PCDH11X: variants seen among roughly 807,000 people sequenced by gnomAD.
PCDH11X encodes the protein protocadherin-11 X-linked.
PCDH11X carries 18 observed loss-of-function variants against 53.3 expected under a neutral mutation model. The observed-to-expected ratio is 0.34, with a 90% CI of 0.23 to 0.50. The LOEUF is 0.50. PCDH11X is among the 20% of genes least tolerant of loss of function. The pLI is 0.98. For missense variants in PCDH11X, 570 were observed against 1,032.4 expected (o/e 0.55, Z 6.14); for synonymous variants, 279 against 393.3 (o/e 0.71, Z 3.44).
chrX:92,216,423 G>A lies in PCDH11X; in HGVS notation c.3114+14968G>A, dbSNP rs980730071. Among the ~76,000 whole-genome samples the A allele has an allele frequency of 7.7e-3, 805 of 103,882 alleles. 8 individuals are homozygous for A. The highest frequency in any genetic ancestry group is 0.027 in the African/African-American group (761 of 28,684). 90.2% of individuals were successfully genotyped at this position (103,882 alleles called of 115,157 possible). A position where few individuals can be genotyped will look rare whatever the true frequency, so the allele number is the denominator to read the frequency against. On this transcript the variant is annotated intron_variant, in intron 7 of 10. Transcript: ENST00000682573. ...GAAGAATGCAGAAGCCTCAGGAGCCGATGCGATCAACTGGAAGAAAGGGTA... is the reference window on the plus strand; with the variant it reads ...GAAGAATGCAGAAGCCTCAGGAGCCAATGCGATCAACTGGAAGAAAGGGTA...
chrX:92,510,228 C>T (rs1367633394), intron 10 of PCDH11X, among the ~76,000 whole-genome samples: 1 of 104,352 alleles, frequency 9.6e-6, no homozygotes, highest in Non-Finnish European at 2.0e-5. Flanking sequence ...CAGGCTATAA[C>T]ATCTTGTCTA....
chrX:92,267,341 G>A (rs770159212), intron 8 of PCDH11X, among the ~76,000 whole-genome samples: 3 of 112,056 alleles, frequency 2.7e-5, no homozygotes, highest in Non-Finnish European at 5.6e-5. Context: ...GATTCTCCGA[G>A]GAGTATATTT....
intron 9 of PCDH11X, among the ~76,000 whole-genome samples, chrX:92,388,795 C>CA (rs1315910107): frequency 2.9e-5 from 3 of 102,418 alleles, no homozygotes; most frequent in Non-Finnish European, 6.0e-5. Flanking sequence ...AAATACCTGG[C>CA]AAAAACATAA....
intron 6 of PCDH11X, among the ~76,000 whole-genome samples, chrX:92,052,350 G>T (rs2063380857): frequency 1.1e-5 from 1 of 94,386 alleles, no homozygotes; most frequent in African/African-American, 3.9e-5. Context: ...CAGAATGGGT[G>T]ATACTAAGTC....
intron 8 of PCDH11X, among the ~76,000 whole-genome samples, chrX:92,378,658 A>G (rs1015448869): frequency 2.7e-5 from 3 of 111,730 alleles, no homozygotes; most frequent in Non-Finnish European, 5.6e-5. Context: ...TTGTTGGCAA[A>G]TTCAGTGTCT....
At chrX:92,283,260 T>G (rs1258475047) in intron 8 of PCDH11X, among the ~76,000 whole-genome samples, 3 of 111,206 alleles carry the variant, frequency 2.7e-5, no homozygotes, top group African/African-American at 9.8e-5. Context: ...ACAGAAAAAA[T>G]TATTAATTTG....
At chrX:91,879,604 A>G in intron 6 of PCDH11X, 1 of 1,009,188 alleles carries the variant, frequency 9.9e-7, no homozygotes. Flanking sequence ...CATTGTGTGC[A>G]TGAGGATCAG....
At chrX:92,045,943 A>AAT (rs778356727) in intron 6 of PCDH11X, among the ~76,000 whole-genome samples, 1 of 108,194 alleles carries the variant, frequency 9.2e-6, no homozygotes, top group East Asian at 3.0e-4. Context: ...CATTACAAAA[A>AAT]AAAAAAAGGA....
In PCDH11X at chrX:92,618,627, G is replaced by A. The variant is rs756127091; in HGVS notation, c.3731G>A (p.Cys1244Tyr). The A allele has an allele frequency of 5.8e-6, 7 of 1,211,919 alleles. No homozygotes were observed. Among genetic ancestry groups the A allele is most frequent in the Non-Finnish European group, 7.8e-6 (7 of 895,468 alleles). ...SPPSAQASAL[C>Y]YSPPLAQAAA... ...CCATCAGCACAGGCCTCAGCCCTCT[G>A]CTACAGCCCTCCTTTAGCACAGGCT... The change falls in exon 11 of 11, where the codon TGC (cysteine) becomes TAC (tyrosine). Residue 1244 changes from cysteine to tyrosine, a missense_variant. Transcript: ENST00000682573.
chrX:92,552,874 G>A, intron 10 of PCDH11X, among the ~76,000 whole-genome samples: 1 of 109,874 alleles, frequency 9.1e-6, no homozygotes, highest in Non-Finnish European at 1.9e-5. Context: ...TGCATCCCAG[G>A]GGTAAATCTC....
intron 6 of PCDH11X, among the ~76,000 whole-genome samples, chrX:92,130,974 C>T (rs981216332): frequency 1.5e-4 from 17 of 110,021 alleles, no homozygotes; most frequent in Non-Finnish European, 2.8e-4. Flanking sequence ...AAAAAAAAAC[C>T]CATATACACC....
chrX:92,232,930 T>C (rs1225229255), intron 7 of PCDH11X, among the ~76,000 whole-genome samples: 1 of 111,253 alleles, frequency 9.0e-6, no homozygotes, highest in Non-Finnish European at 1.9e-5. Flanking sequence ...TTAGCCAGGA[T>C]GGTCTCCATC....
rs752000720 is a variant in PCDH11X at position 92,239,076 on chromosome X, C to T, written c.3115-24038C>T. On this transcript the variant is annotated intron_variant, in intron 7 of 10. Transcript: ENST00000682573. ...TATCAGCCTTTATTTTCATCCATTG[C>T]TCATTCTTCTTAAATTTATTTTGAA... Among the ~76,000 whole-genome samples, 3 of 111,234 alleles carry T rather than the reference C, an allele frequency of 2.7e-5. No individual in the cohort carries two copies. The South Asian group carries it at 1.1e-3, about 41-fold the overall frequency.
chrX:92,201,676 G>A lies in PCDH11X; in HGVS notation c.3114+221G>A, dbSNP rs751796150. 3.6e-5 allele frequency among the ~76,000 whole-genome samples: 4 copies of A among 112,039 alleles called. No homozygotes were observed. In the South Asian group the frequency reaches 1.5e-3, roughly 41 times the overall value. Reference sequence around the variant, plus strand: ...CAGTGAAATTAACTTGTTGGATCAAGTAAAAGTGTTCCTCTAAAAGCATCT... The same window carrying A: ...CAGTGAAATTAACTTGTTGGATCAAATAAAAGTGTTCCTCTAAAAGCATCT... On this transcript the variant is annotated intron_variant, in intron 7 of 10. Coordinates refer to ENST00000682573, the MANE Select transcript of PCDH11X (RefSeq NM_032968.5).
At chrX:92,402,098 T>C (rs1328536960) in intron 9 of PCDH11X, among the ~76,000 whole-genome samples, 6 of 110,770 alleles carry the variant, frequency 5.4e-5, no homozygotes, top group Non-Finnish European at 9.5e-5. Context: ...GGGGACCTGA[T>C]ATACAGTCTA....
intron 10 of PCDH11X, among the ~76,000 whole-genome samples, chrX:92,615,390 T>C (rs925213502): frequency 8.7e-4 from 97 of 111,636 alleles, no homozygotes; most frequent in Non-Finnish European, 1.4e-3. Flanking sequence ...AAGGGGAGCA[T>C]GCTGGGGCAC....
chrX:91,944,739 A>T (rs1295232237), intron 6 of PCDH11X, among the ~76,000 whole-genome samples: 14 of 109,858 alleles, frequency 1.3e-4, no homozygotes, highest in South Asian at 3.8e-4. Context: ...TAATGAAACC[A>T]TGTAAGATGA....
At chrX:92,130,278 C>A (rs1181628721) in intron 6 of PCDH11X, among the ~76,000 whole-genome samples, 1 of 111,052 alleles carries the variant, frequency 9.0e-6, no homozygotes, top group African/African-American at 3.3e-5. Flanking sequence ...GACTAGCCAT[C>A]TAGTCTAACC....
At chrX:92,510,268 C>T (rs1490747312) in intron 10 of PCDH11X, among the ~76,000 whole-genome samples, 1 of 96,316 alleles carries the variant, frequency 1.0e-5, no homozygotes, top group African/African-American at 3.6e-5. Flanking sequence ...CACTGTATTT[C>T]ATTCATTTGG....
Sources: gnomAD v4.1 joint callset for allele counts (sites outside exome capture counted in the v4.1 genomes callset) on GRCh38, gnomAD v4.1.1 for gene constraint, MANE v1.5 for transcripts, NCBI Gene and HGNC (gene_info 2026-07-23, HGNC 2026-07-21) for gene names.